The following CLDN14 variants were observed in gnomAD, a reference collection of about 807,000 sequenced individuals.
CLDN14 encodes claudin-14.
A neutral mutation model predicts 2.1 loss-of-function variants in CLDN14; 2 were observed. The ratio of observed to expected loss-of-function variants is 0.96; its 90% CI spans 0.39 to 3.01. CLDN14 has a LOEUF of 3.01. Among genes scored for constraint, CLDN14 ranks in the 30% most tolerant of loss-of-function variants. CLDN14 has a pLI of 0.09. For synonymous variants in CLDN14, 136 were observed against 154.4 expected (o/e 0.88, Z 0.88); for missense variants, 298 against 328.0 (o/e 0.91, Z 0.71).
chr21:36,518,334 C>T (rs1247799003), intron 1 of CLDN14, among the ~76,000 whole-genome samples: 2 of 152,214 alleles, frequency 1.3e-5, no homozygotes, highest in African/African-American at 2.4e-5. Context: ...GGCGTGGTGG[C>T]TCATGCCTGT....
At chr21:36,463,049 A>T (rs219772) in intron 1 of CLDN14, among the ~76,000 whole-genome samples, 45,958 of 151,804 alleles carry the variant, frequency 0.3, 8,255 homozygotes, top group African/African-American at 0.5. Flanking sequence ...AAGGAAGGAA[A>T]AAAAGGAAGG....
chr21:36,490,267 G>A (rs13047783), intron 2 of CLDN14, among the ~76,000 whole-genome samples: 5,213 of 152,122 alleles, frequency 0.034, 340 homozygotes, highest in East Asian at 0.29. Flanking sequence ...GCAATGGCTC[G>A]ACCGTGGGTC....
chr21:36,575,929 C>T (rs1047425929), intron 1 of CLDN14, among the ~76,000 whole-genome samples: 1 of 152,122 alleles, frequency 6.6e-6, no homozygotes, highest in East Asian at 1.9e-4. Context: ...CAGTGACTCC[C>T]GAAGACCCTC....
intron 1 of CLDN14, among the ~76,000 whole-genome samples, chr21:36,555,122 T>A (rs1219663183): frequency 6.6e-6 from 1 of 152,242 alleles, no homozygotes; most frequent in East Asian, 1.9e-4. Context: ...TGGATACCTA[T>A]AACTCCGTCT....
At chr21:36,490,955 C>G (rs1243157285) in intron 2 of CLDN14, among the ~76,000 whole-genome samples, 4,830 of 118,816 alleles carry the variant, frequency 0.041, 142 homozygotes, top group African/African-American at 0.11. Flanking sequence ...CACAGACACA[C>G]ACACACACAC....
At chr21:36,535,164 C>T (rs986464816) in intron 1 of CLDN14, among the ~76,000 whole-genome samples, 15 of 151,994 alleles carry the variant, frequency 9.9e-5, no homozygotes, top group African/African-American at 3.1e-4. Flanking sequence ...GCTGAGGGGG[C>T]GGATCACCTG....
In CLDN14 at chr21:36,479,809, A is replaced by G. The variant is rs574250923; in HGVS notation, c.-396T>C. 3 of 152,176 alleles carry G rather than the reference A, an allele frequency of 2.0e-5. No homozygotes were observed. The highest frequency in any genetic ancestry group is 6.5e-5 in the Admixed American group (1 of 15,272). 9.4% of individuals were successfully genotyped at this position (152,176 alleles called of 1,614,324 possible). ...CAGAAATGTCATTTCTGCACTGTGG[A>G]AAAAAAATGCACGATACACCTGAAC... On this transcript the variant is annotated 5_prime_UTR_variant, in exon 1 of 2. Coordinates refer to ENST00000399135, the MANE Select transcript of CLDN14 (RefSeq NM_001146079.2).
intron 1 of CLDN14, among the ~76,000 whole-genome samples, chr21:36,553,683 G>A (rs957806221): frequency 6.6e-6 from 1 of 151,916 alleles, no homozygotes; most frequent in Non-Finnish European, 1.5e-5. Context: ...TGACATTGGC[G>A]GTCTCACTGC....
intron 1 of CLDN14, among the ~76,000 whole-genome samples, chr21:36,475,461 G>A (rs1191372122): frequency 6.6e-6 from 1 of 152,218 alleles, no homozygotes; most frequent in Non-Finnish European, 1.5e-5. Context: ...ATTCTGATTC[G>A]CTGACTGGGG....
chr21:36,523,453 G>C (rs75585111), intron 1 of CLDN14, among the ~76,000 whole-genome samples: 195 of 152,230 alleles, frequency 1.3e-3, no homozygotes, highest in African/African-American at 4.5e-3. Context: ...AGTTTAGGTA[G>C]AAAGTGGATT....
intron 1 of CLDN14, among the ~76,000 whole-genome samples, chr21:36,519,220 C>T (rs544944320): frequency 1.1e-4 from 16 of 152,232 alleles, no homozygotes; most frequent in Non-Finnish European, 1.5e-4. Flanking sequence ...TTATTACGCT[C>T]TCATTGTAAG....
chr21:36,508,628 G>C (rs1262098993), intron 2 of CLDN14, among the ~76,000 whole-genome samples: 1 of 152,202 alleles, frequency 6.6e-6, no homozygotes, highest in Non-Finnish European at 1.5e-5. Flanking sequence ...AGTGGTCAGA[G>C]GGCAAGCAAG....
intron 1 of CLDN14, among the ~76,000 whole-genome samples, chr21:36,525,492 G>A (rs1289025910): frequency 6.6e-6 from 1 of 152,128 alleles, no homozygotes; most frequent in Non-Finnish European, 1.5e-5. Flanking sequence ...TGATGATGGG[G>A]GTTGGAGGAT....
intron 1 of CLDN14, among the ~76,000 whole-genome samples, chr21:36,548,349 G>A (rs73380016): frequency 0.014 from 2,099 of 152,320 alleles, 50 homozygotes; most frequent in African/African-American, 0.048. Flanking sequence ...TCTAAGTCCA[G>A]TTGGTTTGCC....
At position 36,499,953 on chromosome 21, in the gene CLDN14, C is replaced by T. The variant is rs1010886580; in HGVS notation, c.-82+10410G>A. Among the ~76,000 whole-genome samples, 2 of 152,278 alleles carry T rather than the reference C, an allele frequency of 1.3e-5. No individual in the cohort carries two copies. Among genetic ancestry groups the T allele is most frequent in the Non-Finnish European group, 2.9e-5 (2 of 68,026 alleles). ...TGGGCCCAGAAGCCTGCCCCAGCCG[C>T]GCACACAGAGTCTACCTGTCTTCCA... On this transcript the variant is annotated intron_variant, in intron 2 of 2. Coordinates refer to the CLDN14 transcript ENST00000342108. The surrounding 1 kb of genome is among the most constrained non-coding windows in gnomAD (Gnocchi z 4.7).
At chr21:36,491,152 T>TG (rs2086960534) in intron 2 of CLDN14, among the ~76,000 whole-genome samples, 1 of 152,168 alleles carries the variant, frequency 6.6e-6, no homozygotes, top group Non-Finnish European at 1.5e-5. Context: ...GGTTCAACCC[T>TG]CACCCCAGCA....
chr21:36,492,084 G>T (rs2086970941), intron 2 of CLDN14, among the ~76,000 whole-genome samples: 1 of 151,544 alleles, frequency 6.6e-6, no homozygotes, highest in Non-Finnish European at 1.5e-5. Flanking sequence ...TGGGAGGATT[G>T]CTTGAGGTTG....
At chr21:36,474,007 C>T (rs1452586432) in intron 1 of CLDN14, among the ~76,000 whole-genome samples, 3 of 152,040 alleles carry the variant, frequency 2.0e-5, no homozygotes, top group Admixed American at 6.5e-5. Context: ...TCAGTTTCGG[C>T]GGAGTTGATT....
chr21:36,538,873 C>G (rs988659440), intron 1 of CLDN14, among the ~76,000 whole-genome samples: 2 of 152,196 alleles, frequency 1.3e-5, no homozygotes, highest in African/African-American at 4.8e-5. Context: ...GACATAACGG[C>G]ATAGGGAGAC....
Sources: gnomAD v4.1 joint callset for allele counts (sites outside exome capture counted in the v4.1 genomes callset) on GRCh38, gnomAD v4.1.1 for gene constraint, Gnocchi (gnomAD v3.1) non-coding constraint, MANE v1.5 for transcripts, NCBI Gene and HGNC (gene_info 2026-07-23, HGNC 2026-07-21) for gene names.